Variants in FNDC3A observed in about 807,000 individuals in gnomAD.
FNDC3A encodes the protein fibronectin type-III domain-containing protein 3A.
Under a neutral mutation model 148.9 loss-of-function variants are expected in FNDC3A, and 32 were observed. That is an observed-to-expected ratio of 0.21 (90% CI 0.16 to 0.29). The LOEUF (loss-of-function observed/expected upper bound fraction) is 0.29, where lower values mean the gene tolerates loss of function less well. Among genes scored for constraint, FNDC3A ranks in the 10% least tolerant of loss-of-function variants. The pLI, the probability that FNDC3A is intolerant of heterozygous loss-of-function variation, is 1.00. For synonymous variants in FNDC3A, 472 were observed against 473.6 expected, an observed-to-expected ratio of 1.00 and a Z score of 0.04; for missense variants, 1,191 against 1,452.8, an observed-to-expected ratio of 0.82 and a Z score of 2.93.
At chr13:49,140,593 T>G (rs945410494) in intron 7 of FNDC3A, among the ~76,000 whole-genome samples, 5 of 152,224 alleles carry the variant, frequency 3.3e-5, no homozygotes, top group African/African-American at 1.2e-4. Flanking sequence ...TGTGTGTGGT[T>G]GTTTTTGCAT....
intron 19 of FNDC3A, among the ~76,000 whole-genome samples, chr13:49,194,785 G>T (rs536124082): frequency 2.0e-5 from 3 of 151,930 alleles, no homozygotes; most frequent in South Asian, 2.1e-4. Flanking sequence ...AGTATAAAAG[G>T]TTTCTTTTTT....
rs1322771970 is a variant in FNDC3A, at chr13:49,136,522, T to C, written c.681T>C (p.Ala227=). Residue 227 remains alanine, a synonymous_variant, in exon 6 of 26, where the codon GCT becomes GCC. Transcript: ENST00000492622. ...ATGGACTTATAAAAGGACAAATTGC[T>C]GGTGGTATAAACACAGGATCAGCAA... ...EHNGLIKGQI[A]GGINTGSAKI... 6.2e-7 allele frequency: 1 copy of C among 1,614,124 alleles called. No individual in the cohort carries two copies. The highest frequency in any genetic ancestry group is 1.7e-5 in the Admixed American group (1 of 60,024).
At chr13:49,125,730 A>C (rs1470253941) in intron 4 of FNDC3A, among the ~76,000 whole-genome samples, 2 of 152,180 alleles carry the variant, frequency 1.3e-5, no homozygotes, top group Non-Finnish European at 2.9e-5. Context: ...TCCTGGGGGA[A>C]AAAAACAATA....
At chr13:49,068,760 G>A (rs771757091) in intron 2 of FNDC3A, among the ~76,000 whole-genome samples, 21 of 152,168 alleles carry the variant, frequency 1.4e-4, no homozygotes, top group Non-Finnish European at 2.5e-4. Flanking sequence ...GCAGGGACAT[G>A]GATGGAGCTG....
intron 3 of FNDC3A, among the ~76,000 whole-genome samples, chr13:49,108,444 A>G (rs942719974): frequency 9.2e-5 from 14 of 152,166 alleles, no homozygotes; most frequent in African/African-American, 3.4e-4. Context: ...AGGAGAGGAT[A>G]GGAAGTCTCT....
intron 5 of FNDC3A, among the ~76,000 whole-genome samples, chr13:49,133,898 C>G (rs1054798199): frequency 1.3e-5 from 2 of 152,038 alleles, no homozygotes; most frequent in Non-Finnish European, 2.9e-5. Context: ...TCCATGGTAG[C>G]TTTATTATTT....
At chr13:49,107,377 A>AGATG (rs1288040736) in intron 3 of FNDC3A, among the ~76,000 whole-genome samples, 3 of 152,186 alleles carry the variant, frequency 2.0e-5, no homozygotes, top group African/African-American at 7.2e-5. Flanking sequence ...TGTCAGTGAG[A>AGATG]GATGGATGAT....
intron 1 of FNDC3A, among the ~76,000 whole-genome samples, chr13:48,993,154 T>C (rs1328065894): frequency 1.3e-5 from 2 of 152,226 alleles, no homozygotes; most frequent in Non-Finnish European, 2.9e-5. Flanking sequence ...TATTCACATC[T>C]GGGATGAGGC....
chr13:49,018,203 A>G (rs975780711), intron 2 of FNDC3A, among the ~76,000 whole-genome samples: 1 of 152,156 alleles, frequency 6.6e-6, no homozygotes, highest in South Asian at 2.1e-4. Flanking sequence ...GTGTTTTCCA[A>G]CTTGGTTCTA....
chr13:48,994,362 A>G (rs1175755891), intron 1 of FNDC3A, among the ~76,000 whole-genome samples: 1 of 152,134 alleles, frequency 6.6e-6, no homozygotes, highest in African/African-American at 2.4e-5. Flanking sequence ...AAACAAGACA[A>G]TGCAAAATTT....
Position 49,207,158 on chromosome 13 carries a change from C to A in FNDC3A, c.3360C>A (p.Ala1120=), listed in dbSNP as rs1244214915. 1 of 1,614,078 alleles carries A rather than the reference C, an allele frequency of 6.2e-7. No homozygotes were observed. The highest frequency in any genetic ancestry group is 1.3e-5 in the African/African-American group (1 of 75,048). The change falls in exon 26 of 26, where the codon GCC becomes GCA. Residue 1120 remains alanine, a synonymous_variant. Coordinates refer to ENST00000492622, the MANE Select transcript of FNDC3A (RefSeq NM_001079673.2). The stretch of plus-strand genomic sequence containing the variant: ...GTGAATATCGCTTCCGTGTATGTGC[C>A]ATTCGCCAGTGCCAAGACTCTCTGG... ...LNCEYRFRVC[A]IRQCQDSLGH... is the part of the protein sequence containing the mutation.
At chr13:49,119,137 G>T (rs183337471) in intron 4 of FNDC3A, among the ~76,000 whole-genome samples, 204 of 152,244 alleles carry the variant, frequency 1.3e-3, no homozygotes, top group African/African-American at 4.5e-3. Flanking sequence ...GCCCTTCTGG[G>T]ACAGAGCTTC....
intron 5 of FNDC3A, among the ~76,000 whole-genome samples, chr13:49,135,017 G>A (rs761024830): frequency 9.9e-5 from 15 of 150,912 alleles, no homozygotes; most frequent in East Asian, 9.8e-4. Context: ...CACCACGCCC[G>A]GCTAATTTTT....
chr13:49,013,571 CATGTACATGTGTATGCAAGTATAG>C (rs1283095812), intron 2 of FNDC3A, among the ~76,000 whole-genome samples: 3 of 151,104 alleles, frequency 2.0e-5, no homozygotes, highest in Non-Finnish European at 4.4e-5. Context: ...CACGTGTATA[CATGTACATGTGTATGCAAGTATAG>C]ATGTACACGT....
At chr13:49,152,003 A>C (rs1393173481) in intron 8 of FNDC3A, among the ~76,000 whole-genome samples, 1 of 152,134 alleles carries the variant, frequency 6.6e-6, no homozygotes, top group Non-Finnish European at 1.5e-5. Context: ...GTTGATTCCA[A>C]GTCCTTGCTA....
At chr13:49,149,807 A>G (rs1013006634) in intron 8 of FNDC3A, among the ~76,000 whole-genome samples, 3 of 152,168 alleles carry the variant, frequency 2.0e-5, no homozygotes, top group African/African-American at 4.8e-5. Context: ...CAGTGAAGCC[A>G]TTGGTCCTGG....
intron 1 of FNDC3A, among the ~76,000 whole-genome samples, chr13:48,979,093 T>G (rs1951654161): frequency 6.6e-6 from 1 of 152,172 alleles, no homozygotes; most frequent in African/African-American, 2.4e-5. Flanking sequence ...GGTGTCATCT[T>G]TCAATGTTTC....
At chr13:48,977,311 G>A (rs1222897227) in intron 1 of FNDC3A, among the ~76,000 whole-genome samples, 1 of 152,132 alleles carries the variant, frequency 6.6e-6, no homozygotes, top group East Asian at 1.9e-4. Flanking sequence ...GTATGCTTCT[G>A]TATTGTAGGA....
chr13:49,170,668 A>G (rs1309591080), intron 10 of FNDC3A, among the ~76,000 whole-genome samples: 1 of 152,140 alleles, frequency 6.6e-6, no homozygotes, highest in East Asian at 1.9e-4. Context: ...GTGATCTGGG[A>G]TGATTTATTT....
Sources: allele counts gnomAD v4.1 joint callset (sites outside exome capture counted in the v4.1 genomes callset), GRCh38; gene constraint gnomAD v4.1.1; transcripts MANE v1.5; gene names NCBI Gene and HGNC (gene_info 2026-07-23, HGNC 2026-07-21).